The following TSTD2 variants were observed in gnomAD, a reference collection of about 807,000 sequenced individuals.
TSTD2 encodes thiosulfate sulfurtransferase like domain containing 2, also known as thiosulfate sulfurtransferase/rhodanese-like domain-containing protein 2.
Under a neutral mutation model 47.9 loss-of-function variants are expected in TSTD2, and 37 were observed. The ratio of observed to expected loss-of-function variants is 0.77; its 90% confidence interval spans 0.59 to 1.02. The LOEUF is 1.02. Ranked by LOEUF, TSTD2 falls within the 50% of genes least tolerant of loss-of-function variation. The probability of loss-of-function intolerance (pLI) is 0.00; values close to 1 mark genes in which losing one functional copy is unlikely to be tolerated. For synonymous variants in TSTD2, 201 were observed against 215.9 expected (o/e 0.93, Z 0.61); for missense variants, 586 against 616.0 (o/e 0.95, Z 0.52).
At chr9:97,623,916 C>T (rs182228260) in intron 3 of TSTD2, among the ~76,000 whole-genome samples, 253 of 152,168 alleles carry the variant, frequency 1.7e-3, no homozygotes, top group African/African-American at 5.8e-3. Context: ...TGCTGCTGCA[C>T]AGGCTATGGT....
At chr9:97,615,025 G>A (rs1480427773) in intron 4 of TSTD2, among the ~76,000 whole-genome samples, 1 of 152,226 alleles carries the variant, frequency 6.6e-6, no homozygotes, top group Non-Finnish European at 1.5e-5. Context: ...CAGCAGGTAG[G>A]ATGAAGTATG....
In TSTD2 at chr9:97,611,796, C is replaced by T. The variant is rs2131309370; in HGVS notation, c.604-97G>A. 17 of 1,277,222 alleles carry T rather than the reference C, an allele frequency of 1.3e-5. No homozygotes were observed. The South Asian group carries it at 2.0e-4, about 15-fold the overall frequency. 79.1% of individuals were successfully genotyped at this position (1,277,222 alleles called of 1,614,324 possible). On this transcript the variant is annotated intron_variant, in intron 4 of 9. Coordinates refer to ENST00000341170, the MANE Select transcript of TSTD2 (RefSeq NM_139246.5). ...GGCTCATGTGTGTCAATGAGTTTAACAGGAAAAGCAGAGACGCTGATGAGG... is the reference window on the plus strand; with the variant it reads ...GGCTCATGTGTGTCAATGAGTTTAATAGGAAAAGCAGAGACGCTGATGAGG...
chr9:97,611,602 T>C lies in TSTD2; in HGVS notation c.701A>G (p.Lys234Arg). 5 of 1,609,154 alleles carry C rather than the reference T, an allele frequency of 3.1e-6. No individual in the cohort carries two copies. Among genetic ancestry groups the C allele is most frequent in the Non-Finnish European group, 4.3e-6 (5 of 1,175,710 alleles). The change falls in exon 5 of 10, where the codon AAG (lysine) becomes AGG (arginine). Residue 234 changes from lysine to arginine, a missense_variant. Coordinates refer to ENST00000341170, the MANE Select transcript of TSTD2 (RefSeq NM_139246.5). ...VEVMLSFPLF[K>R]DDLCKDDFKT... is the part of the protein sequence containing the mutation. ...AAAATCATCTTTACACAGGTCATCC[T>C]TAAACAATGGGAAGGAAAGCATGAC...
intron 3 of TSTD2, among the ~76,000 whole-genome samples, chr9:97,619,096 C>T (rs947773576): frequency 3.3e-5 from 5 of 152,134 alleles, no homozygotes; most frequent in Admixed American, 1.3e-4. Flanking sequence ...ATACTATCAC[C>T]GTCCTATATA....
At chr9:97,613,427 A>G (rs1278389506) in intron 4 of TSTD2, among the ~76,000 whole-genome samples, 2 of 152,148 alleles carry the variant, frequency 1.3e-5, no homozygotes, top group Non-Finnish European at 2.9e-5. Context: ...ATATGCATCC[A>G]TATCTGGGGC....
In TSTD2 at chr9:97,601,274, T is replaced by G; in HGVS notation, c.*1195A>C. The stretch of plus-strand genomic sequence containing the variant: ...TATGCATGGCTGCGTATGTGTTTCT[T>G]GGAACCTGTGTGACAGGGACATGTG... On this transcript the variant is annotated 3_prime_UTR_variant, in exon 10 of 10. Coordinates refer to ENST00000341170, the MANE Select transcript of TSTD2 (RefSeq NM_139246.5). 8.3e-7 allele frequency: 1 copy of G among 1,198,398 alleles called. No homozygotes were observed. Among genetic ancestry groups the G allele is most frequent in the Non-Finnish European group, 1.1e-6 (1 of 935,976 alleles). The allele number at this position is 1,198,398 out of a possible 1,614,324, so 74.2% of individuals were successfully genotyped here.
At chr9:97,610,318 A>G in intron 6 of TSTD2, 28 bp downstream of exon 6, 1 of 1,583,714 alleles carries the variant, frequency 6.3e-7, no homozygotes, top group Non-Finnish European at 8.6e-7. Flanking sequence ...CTGTGAATTA[A>G]AGCACAATCT....
chr9:97,626,030 A>T, intron 2 of TSTD2, 33 bp from the exon 3 acceptor site: 2 of 1,571,584 alleles, frequency 1.3e-6, no homozygotes, highest in South Asian at 2.4e-5. Context: ...AACACTGTTA[A>T]ATAACCTTAG....
At chr9:97,626,060 C>T (rs549812038) in intron 2 of TSTD2, 63 bp from the exon 3 acceptor site, 2 of 1,458,700 alleles carry the variant, frequency 1.4e-6, no homozygotes, top group South Asian at 2.8e-5. Flanking sequence ...TAATAGAAGT[C>T]TCACTAAGAT....
intron 9 of TSTD2, 183 bp downstream of exon 9, chr9:97,604,544 C>T: frequency 1.1e-6 from 1 of 883,220 alleles, no homozygotes; most frequent in South Asian, 1.9e-5. Context: ...GGCCTCCTGA[C>T]TCCTGGGCTA....
At chr9:97,609,908 CCAAA>C (rs1412125368) in intron 6 of TSTD2, among the ~76,000 whole-genome samples, 1 of 152,080 alleles carries the variant, frequency 6.6e-6, no homozygotes, top group Non-Finnish European at 1.5e-5. Flanking sequence ...CAAAAACCTG[CCAAA>C]CAAATGTCTT....
intron 6 of TSTD2, among the ~76,000 whole-genome samples, chr9:97,607,770 G>A (rs1451969491): frequency 6.6e-6 from 1 of 152,180 alleles, no homozygotes; most frequent in Non-Finnish European, 1.5e-5. Context: ...AGGTGTGGTG[G>A]CACATTCCTT....
In TSTD2 at chr9:97,611,257, G is replaced by A. The variant is rs369710489; in HGVS notation, c.729+317C>T. 7.7e-5 allele frequency: 15 copies of A among 193,612 alleles called. No individual in the cohort carries two copies. The East Asian group carries it at 1.3e-3, about 16-fold the overall frequency. 12.0% of individuals were successfully genotyped at this position (193,612 alleles called of 1,614,324 possible). On this transcript the variant is annotated intron_variant, in intron 5 of 9. Transcript: ENST00000341170. ...TCCATACCAGCCTGGGCAACATAGT[G>A]AGACCCCGTCTCTACAAAAAAATTA...
chr9:97,605,547 C>CA lies in TSTD2; in HGVS notation c.1048_1049insT (p.Arg350MetfsTer13). On this transcript the variant is annotated frameshift_variant, in exon 8 of 10. Coordinates refer to ENST00000341170, the MANE Select transcript of TSTD2 (RefSeq NM_139246.5). LOFTEE classifies it high-confidence loss of function. ...GCCCCCGGTACAGTACATCAGCACT[C>CA]TCTTCTCTCTGAAAAGTTCTAGATT... is the stretch of plus-strand genomic sequence containing the variant. 1 of 1,614,222 alleles carries CA rather than the reference C, an allele frequency of 6.2e-7. No homozygotes were observed. Among genetic ancestry groups the CA allele is most frequent in the South Asian group, 1.1e-5 (1 of 91,090 alleles).
intron 3 of TSTD2, among the ~76,000 whole-genome samples, chr9:97,624,673 A>G (rs537396837): frequency 9.7e-4 from 147 of 152,268 alleles, no homozygotes; most frequent in African/African-American, 3.4e-3. Context: ...AAAAAGTTCA[A>G]TCACATTCAC....
intron 3 of TSTD2, among the ~76,000 whole-genome samples, chr9:97,620,645 G>A (rs186761878): frequency 6.6e-6 from 1 of 152,294 alleles, no homozygotes; most frequent in African/African-American, 2.4e-5. Context: ...AGGCTGAGGT[G>A]GTCTCAGATG....
In TSTD2 at chr9:97,610,461, G is replaced by A. The variant is rs765009515; in HGVS notation, c.730-10C>T. ...CTCCTCCTTTGCTGGTCTAGCCAATGAGAAACAAAACAGAATACAGTCTTG... is the reference window on the plus strand; with the variant it reads ...CTCCTCCTTTGCTGGTCTAGCCAATAAGAAACAAAACAGAATACAGTCTTG... On this transcript the variant is annotated splice_polypyrimidine_tract_variant and intron_variant, in intron 5 of 9. Coordinates refer to ENST00000341170, the MANE Select transcript of TSTD2 (RefSeq NM_139246.5). The A allele has an allele frequency of 1.2e-5, 18 of 1,541,440 alleles. No homozygotes were observed. The East Asian group carries it at 2.6e-4, about 23-fold the overall frequency.
At chr9:97,629,230 A>G (rs1826770697) in intron 1 of TSTD2, among the ~76,000 whole-genome samples, 1 of 152,222 alleles carries the variant, frequency 6.6e-6, no homozygotes, top group Non-Finnish European at 1.5e-5. Flanking sequence ...GGGTACCTCA[A>G]CCAGGTGAAG....
intron 6 of TSTD2, among the ~76,000 whole-genome samples, chr9:97,607,321 G>A (rs2131306782): frequency 6.6e-6 from 1 of 152,266 alleles, no homozygotes; most frequent in South Asian, 2.1e-4. Flanking sequence ...GCATTATGAG[G>A]TAGCCATGCC....
Sources: gnomAD v4.1 joint callset for allele counts (sites outside exome capture counted in the v4.1 genomes callset) on GRCh38, gnomAD v4.1.1 for gene constraint, MANE v1.5 for transcripts, NCBI Gene and HGNC (gene_info 2026-07-23, HGNC 2026-07-21) for gene names.